TIAM1: variants seen among roughly 807,000 people sequenced by gnomAD.
TIAM1 encodes rho guanine nucleotide exchange factor TIAM1.
Under a neutral mutation model 163.5 loss-of-function variants are expected in TIAM1, and 65 were observed. That is an observed-to-expected ratio of 0.40 (90% CI 0.33 to 0.49). TIAM1 has a LOEUF of 0.49. Ranked by LOEUF, TIAM1 falls within the 20% of genes least tolerant of loss-of-function variation. The pLI, the probability that TIAM1 is intolerant of heterozygous loss-of-function variation, is 0.77. For synonymous variants in TIAM1, 833 were observed against 810.1 expected, an observed-to-expected ratio of 1.03 and a Z score of -0.48; for missense variants, 1,789 against 2,044.7, an observed-to-expected ratio of 0.87 and a Z score of 2.41.
chr21:31,225,929 C>T lies in TIAM1; in HGVS notation c.1606G>A (p.Glu536Lys), dbSNP rs2087937535. ...LFQTTSQTELENWITAIHSAC... is the reference protein window; with the variant it reads ...LFQTTSQTELKNWITAIHSAC... Reference sequence around the variant, plus strand: ...GAGTGGATGGCGGTGATCCAGTTTTCAAGCTCCGTCTGGCTAGTGGTCTGT... The same window carrying T: ...GAGTGGATGGCGGTGATCCAGTTTTTAAGCTCCGTCTGGCTAGTGGTCTGT... Residue 536 changes from glutamate to lysine, a missense_variant, in exon 7 of 28, where the codon GAA becomes AAA. By Grantham distance (56) the Glu-to-Lys change is moderately conservative (BLOSUM62 1). Transcript: ENST00000541036. 6.2e-7 allele frequency: 1 copy of T among 1,614,036 alleles called. No individual in the cohort carries two copies. The highest frequency in any genetic ancestry group is 8.5e-7 in the Non-Finnish European group (1 of 1,180,032).
chr21:31,542,192 G>A (rs540197688), intron 1 of TIAM1, among the ~76,000 whole-genome samples: 1 of 152,232 alleles, frequency 6.6e-6, no homozygotes, highest in East Asian at 1.9e-4. Flanking sequence ...TTGGGAGGCC[G>A]AGGCGGGAGG....
chr21:31,427,474 G>T (rs113732812), intron 2 of TIAM1, among the ~76,000 whole-genome samples: 1 of 149,928 alleles, frequency 6.7e-6, no homozygotes, highest in Non-Finnish European at 1.5e-5. Context: ...GGGACAGAGC[G>T]AGACTCTGTC....
chr21:31,505,442 A>G (rs1418978958), intron 1 of TIAM1, among the ~76,000 whole-genome samples: 1 of 152,206 alleles, frequency 6.6e-6, no homozygotes, highest in East Asian at 1.9e-4. Context: ...GAAAAAAAAA[A>G]GTAAATGTAT....
intron 2 of TIAM1, among the ~76,000 whole-genome samples, chr21:31,385,069 T>G (rs190281002): frequency 5.9e-5 from 9 of 152,276 alleles, no homozygotes; most frequent in Admixed American, 2.6e-4. Flanking sequence ...CTGTCTTTTT[T>G]TGTGTGTGTG....
chr21:31,416,089 T>G (rs1213557113), intron 2 of TIAM1, among the ~76,000 whole-genome samples: 1 of 152,156 alleles, frequency 6.6e-6, no homozygotes, highest in African/African-American at 2.4e-5. Context: ...GGGTTACCTT[T>G]AAAAAGGCCT....
At chr21:31,510,386 C>T (rs1217675736) in intron 1 of TIAM1, among the ~76,000 whole-genome samples, 2 of 152,180 alleles carry the variant, frequency 1.3e-5, no homozygotes, top group African/African-American at 4.8e-5. Flanking sequence ...ACCCTAAGGA[C>T]CTCATTTGCA....
chr21:31,521,046 C>T (rs2047562767), intron 1 of TIAM1, among the ~76,000 whole-genome samples: 1 of 152,222 alleles, frequency 6.6e-6, no homozygotes, highest in Admixed American at 6.5e-5. Flanking sequence ...ATGCCCAAGG[C>T]TTGCTTCCTT....
In TIAM1 at chr21:31,496,396, G is replaced by A. The variant is rs531757057; in HGVS notation, c.-421-32361C>T. ...TCCCAGTTACTTGGGACTGAATCCAGGAGACGAAGTTTGCAGTGAGCCAAG... is the reference window on the plus strand; with the variant it reads ...TCCCAGTTACTTGGGACTGAATCCAAGAGACGAAGTTTGCAGTGAGCCAAG... On this transcript the variant is annotated intron_variant, in intron 1 of 28. Coordinates refer to the TIAM1 transcript ENST00000286827. Among the ~76,000 whole-genome samples the A allele has an allele frequency of 2.2e-3, 334 of 149,170 alleles. 1 individual carries two copies. The highest frequency in any genetic ancestry group is 7.9e-3 in the African/African-American group (317 of 40,340).
intron 1 of TIAM1, among the ~76,000 whole-genome samples, chr21:31,524,984 G>A (rs947880566): frequency 3.3e-5 from 5 of 152,002 alleles, no homozygotes; most frequent in African/African-American, 4.8e-5. Flanking sequence ...TCTGCTTCTG[G>A]GGAGGCCTCA....
chr21:31,405,818 A>C (rs535586276), intron 2 of TIAM1, among the ~76,000 whole-genome samples: 1 of 152,310 alleles, frequency 6.6e-6, no homozygotes, highest in Non-Finnish European at 1.5e-5. Context: ...GGTAGGCGAC[A>C]CAGAGCCAAA....
intron 23 of TIAM1, among the ~76,000 whole-genome samples, chr21:31,132,417 T>C (rs1485922274): frequency 6.6e-6 from 1 of 152,172 alleles, no homozygotes; most frequent in Non-Finnish European, 1.5e-5. Flanking sequence ...AGGTTCACAC[T>C]GACCCGAGGA....
rs535851793 is a variant in TIAM1, at chr21:31,462,875, T to C, written c.-369+1108A>G. ...CTCCTGCCTCAGCCTCCCAAGTAGC[T>C]GGGATTACAGGCACCTGCCACCATG... is the stretch of plus-strand genomic sequence containing the variant. On this transcript the variant is annotated intron_variant, in intron 2 of 28. Transcript: ENST00000286827. Among the ~76,000 whole-genome samples, 4 of 152,226 alleles carry C rather than the reference T, an allele frequency of 2.6e-5. No homozygotes were observed. The South Asian group carries it at 8.3e-4, about 32-fold the overall frequency.
intron 2 of TIAM1, among the ~76,000 whole-genome samples, chr21:31,416,312 C>A (rs1157182862): frequency 6.6e-6 from 1 of 152,152 alleles, no homozygotes; most frequent in African/African-American, 2.4e-5. Flanking sequence ...ACTGTGCATT[C>A]CACATAGTGA....
intron 20 of TIAM1, among the ~76,000 whole-genome samples, chr21:31,142,339 C>T (rs9980878): frequency 0.44 from 67,185 of 151,464 alleles, 15,380 homozygotes; most frequent in East Asian, 0.7. Flanking sequence ...GCAAGCATGC[C>T]GTGCACAGTG....
chr21:31,195,964 GA>G (rs1337055029), intron 12 of TIAM1, among the ~76,000 whole-genome samples: 1 of 152,064 alleles, frequency 6.6e-6, no homozygotes, highest in Non-Finnish European at 1.5e-5. Flanking sequence ...CACAGAAAAA[GA>G]AACTGTCAAT....
intron 1 of TIAM1, among the ~76,000 whole-genome samples, chr21:31,556,597 T>C (rs139393076): frequency 6.9e-6 from 1 of 145,876 alleles, no homozygotes; most frequent in Non-Finnish European, 1.5e-5. Context: ...GATTATGGAC[T>C]GTTATTATTT....
chr21:31,354,408 T>C (rs2076282873), intron 2 of TIAM1, among the ~76,000 whole-genome samples: 1 of 152,182 alleles, frequency 6.6e-6, no homozygotes, highest in Non-Finnish European at 1.5e-5. Context: ...GCATAATGCA[T>C]GTGTGGGAGA....
chr21:31,221,273 C>G (rs2087540609), intron 8 of TIAM1, among the ~76,000 whole-genome samples: 1 of 152,170 alleles, frequency 6.6e-6, no homozygotes, highest in African/African-American at 2.4e-5. Context: ...GAAATGAAAC[C>G]CCTCATAGAA....
intron 2 of TIAM1, among the ~76,000 whole-genome samples, chr21:31,416,116 G>C (rs970197635): frequency 2.0e-5 from 3 of 151,584 alleles, no homozygotes; most frequent in Admixed American, 6.5e-5. Context: ...CGTGACGCCA[G>C]TGGGGCTCTC....
Sources: gnomAD v4.1 joint callset for allele counts (sites outside exome capture counted in the v4.1 genomes callset) on GRCh38, gnomAD v4.1.1 for gene constraint, MANE v1.5 for transcripts, NCBI Gene and HGNC (gene_info 2026-07-23, HGNC 2026-07-21) for gene names.